The following SPAST variants were observed in gnomAD, a reference collection of about 807,000 sequenced individuals.
SPAST encodes the protein spastic paraplegia 4 (autosomal dominant; spastin).
SPAST carries 30 observed loss-of-function variants against 76.6 expected under a neutral mutation model. The ratio of observed to expected loss-of-function variants is 0.39; its 90% CI spans 0.29 to 0.53. The LOEUF (loss-of-function observed/expected upper bound fraction) is 0.53, where lower values mean the gene tolerates loss of function less well. Ranked by LOEUF, SPAST falls within the 20% of genes least tolerant of loss-of-function variation. The pLI is 0.68. For missense variants in SPAST, 717 were observed against 770.5 expected, an observed-to-expected ratio of 0.93 and a Z score of 0.82; for synonymous variants, 305 against 281.0, an observed-to-expected ratio of 1.09 and a Z score of -0.86.
At position 32,154,656 on chromosome 2, in the gene SPAST, TA is replaced by T. The variant is rs1157269467; in HGVS notation, c.*163del. On this transcript the variant is annotated 3_prime_UTR_variant, in exon 17 of 17. Coordinates refer to ENST00000315285, the MANE Select transcript of SPAST (RefSeq NM_014946.4). ...TTGAAGATGAACCAGAAAACAGACTTAAACAAAATATACAATGCAAATGTAA... is the reference window on the plus strand; with the variant it reads ...TTGAAGATGAACCAGAAAACAGACTTAACAAAATATACAATGCAAATGTAA... 1.4e-6 allele frequency: 1 copy of T among 717,000 alleles called. No homozygotes were observed. The highest frequency in any genetic ancestry group is 2.6e-5 in the Admixed American group (1 of 37,736). 44.4% of individuals were successfully genotyped at this position (717,000 alleles called of 1,614,324 possible). A position where few individuals can be genotyped will look rare whatever the true frequency, so the allele number is the denominator to read the frequency against.
intron 7 of SPAST, among the ~76,000 whole-genome samples, chr2:32,118,581 A>G (rs1678919372): frequency 6.6e-6 from 1 of 152,220 alleles, no homozygotes; most frequent in South Asian, 2.1e-4. Context: ...AAGCTTGCTT[A>G]AAGAGGATTT....
At chr2:32,126,794 T>A in intron 7 of SPAST, 154 bp from the exon 8 acceptor site, 1 of 610,232 alleles carries the variant, frequency 1.6e-6, no homozygotes, top group South Asian at 2.0e-5. Flanking sequence ...CTGTTTTTAA[T>A]TATTACATTA....
intron 4 of SPAST, among the ~76,000 whole-genome samples, chr2:32,110,667 A>G (rs939115962): frequency 1.4e-4 from 19 of 138,040 alleles, no homozygotes; most frequent in African/African-American, 4.9e-4. Flanking sequence ...TAGTATATAT[A>G]GTATATATAG....
intron 7 of SPAST, among the ~76,000 whole-genome samples, chr2:32,118,168 C>T (rs572046124): frequency 2.6e-5 from 4 of 152,234 alleles, no homozygotes; most frequent in Admixed American, 6.5e-5. Context: ...TTGTGTGGCA[C>T]GTTGTGGTGG....
At chr2:32,120,515 C>G (rs1678982277) in intron 7 of SPAST, among the ~76,000 whole-genome samples, 1 of 150,136 alleles carries the variant, frequency 6.7e-6, no homozygotes. Context: ...TTCTTCTGTT[C>G]CATTTCAGTC....
At chr2:32,089,199 A>ATTTTTTTTT (rs375585004) in intron 2 of SPAST, among the ~76,000 whole-genome samples, 1 of 89,914 alleles carries the variant, frequency 1.1e-5, no homozygotes, top group African/African-American at 4.0e-5. Context: ...TGCTCGGCTA[A>ATTTTTTTTT]TTTTTTTTTT....
At chr2:32,110,824 GTATA>G (rs1678557865) in intron 4 of SPAST, among the ~76,000 whole-genome samples, 3 of 112,060 alleles carry the variant, frequency 2.7e-5, no homozygotes, top group Non-Finnish European at 5.4e-5. Context: ...AGTATATAGA[GTATA>G]TATACAGTAT....
chr2:32,109,905 C>T (rs1015805008), intron 4 of SPAST, among the ~76,000 whole-genome samples: 2 of 146,876 alleles, frequency 1.4e-5, no homozygotes, highest in Admixed American at 6.8e-5. Context: ...TATATGCATA[C>T]ACATATATAG....
Position 32,111,297 on chromosome 2 carries a change from C to A in SPAST, c.683-3341C>A, listed in dbSNP as rs36099829. ...ACAGTATACTATATAGTGTGTATAGCGTATATATACAGTATACTGTATAGT... is the reference window on the plus strand; with the variant it reads ...ACAGTATACTATATAGTGTGTATAGAGTATATATACAGTATACTGTATAGT... On this transcript the variant is annotated intron_variant, in intron 4 of 16. Coordinates refer to ENST00000315285, the MANE Select transcript of SPAST (RefSeq NM_014946.4). 1.6e-4 allele frequency among the ~76,000 whole-genome samples: 15 copies of A among 91,594 alleles called. 1 individual carries two copies. The South Asian group carries it at 1.7e-3, about 11-fold the overall frequency. 60.1% of individuals were successfully genotyped at this position (91,594 alleles called of 152,430 possible).
intron 16 of SPAST, among the ~76,000 whole-genome samples, chr2:32,148,301 A>AT (rs1558344076): frequency 6.6e-6 from 1 of 151,930 alleles, no homozygotes; most frequent in South Asian, 2.1e-4. Context: ...AATAGTCAAA[A>AT]TTTTTTTTGG....
intron 3 of SPAST, among the ~76,000 whole-genome samples, chr2:32,092,181 C>A (rs1196129986): frequency 2.0e-5 from 3 of 152,176 alleles, no homozygotes; most frequent in Non-Finnish European, 4.4e-5. Flanking sequence ...GCAGCCGTTA[C>A]TGCTTTCAGA....
At chr2:32,124,055 G>T (rs1487039602) in intron 7 of SPAST, among the ~76,000 whole-genome samples, 1 of 152,020 alleles carries the variant, frequency 6.6e-6, no homozygotes, top group African/African-American at 2.4e-5. Flanking sequence ...CTTCTGCTCT[G>T]TGTAAGATGC....
intron 1 of SPAST, among the ~76,000 whole-genome samples, chr2:32,072,659 T>C (rs774858793): frequency 3.3e-5 from 5 of 152,330 alleles, no homozygotes; most frequent in Non-Finnish European, 5.9e-5. Flanking sequence ...ATGAAAATTA[T>C]CATATTTCAT....
chr2:32,118,131 C>G (rs1464209904), intron 7 of SPAST, among the ~76,000 whole-genome samples: 1 of 152,138 alleles, frequency 6.6e-6, no homozygotes, highest in Non-Finnish European at 1.5e-5. Context: ...TCTTACGGAC[C>G]TACCTGCAAC....
At chr2:32,082,005 C>CTTTTTTTTT (rs35493322) in intron 1 of SPAST, among the ~76,000 whole-genome samples, 1 of 71,212 alleles carries the variant, frequency 1.4e-5, no homozygotes, top group Non-Finnish European at 2.6e-5. Flanking sequence ...AGTTCTCTCT[C>CTTTTTTTTT]TTTTTTTTTT....
chr2:32,121,822 G>C (rs1679030636), intron 7 of SPAST, among the ~76,000 whole-genome samples: 2 of 152,190 alleles, frequency 1.3e-5, no homozygotes, highest in South Asian at 4.1e-4. Flanking sequence ...GGGATTACAG[G>C]CATGAGCCAC....
intron 16 of SPAST, among the ~76,000 whole-genome samples, chr2:32,149,733 TAGAGATGA>T (rs1161742028): frequency 2.0e-5 from 3 of 152,196 alleles, no homozygotes; most frequent in African/African-American, 7.2e-5. Context: ...ATAAGTAATC[TAGAGATGA>T]TTTAAAGTAT....
At chr2:32,087,279 C>T (rs1054616182) in intron 1 of SPAST, among the ~76,000 whole-genome samples, 1 of 152,100 alleles carries the variant, frequency 6.6e-6, no homozygotes, top group African/African-American at 2.4e-5. Flanking sequence ...ATAGGACTCA[C>T]GGCCCCAAAA....
intron 1 of SPAST, among the ~76,000 whole-genome samples, chr2:32,066,479 C>A (rs1260734743): frequency 6.6e-6 from 1 of 151,302 alleles, no homozygotes; most frequent in Non-Finnish European, 1.5e-5. Context: ...ACCATCCTGG[C>A]CAACATGGTG....
Sources: gnomAD v4.1 joint callset for allele counts (sites outside exome capture counted in the v4.1 genomes callset) on GRCh38, gnomAD v4.1.1 for gene constraint, MANE v1.5 for transcripts, NCBI Gene and HGNC (gene_info 2026-07-23, HGNC 2026-07-21) for gene names.